Variants in COX10 observed in about 807,000 individuals in gnomAD.
The protein encoded by COX10 is cytochrome c oxidase assembly factor heme A:farnesyltransferase COX10, also known as protoheme IX farnesyltransferase, mitochondrial.
Under a neutral mutation model 37.3 loss-of-function variants are expected in COX10, and 27 were observed. That is an observed-to-expected ratio of 0.72 (90% CI 0.53 to 1.00). The LOEUF (loss-of-function observed/expected upper bound fraction) is 1.00, where lower values mean the gene tolerates loss of function less well. Among genes scored for constraint, COX10 ranks in the 50% least tolerant of loss-of-function variants. COX10 has a pLI of 0.00. For synonymous variants in COX10, 222 were observed against 229.1 expected (o/e 0.97, Z 0.28); for missense variants, 475 against 563.2 (o/e 0.84, Z 1.59).
intron 3 of COX10, among the ~76,000 whole-genome samples, chr17:14,101,821 T>C (rs1415625452): frequency 6.6e-6 from 1 of 152,220 alleles, no homozygotes; most frequent in Non-Finnish European, 1.5e-5. Flanking sequence ...ACAAATTTGG[T>C]ATTTAGTAAA....
chr17:14,096,765 A>G (rs1915663475), intron 3 of COX10, among the ~76,000 whole-genome samples: 1 of 152,156 alleles, frequency 6.6e-6, no homozygotes, highest in Non-Finnish European at 1.5e-5. Context: ...ATAAGAGAAC[A>G]TCTGGAGCAA....
intron 3 of COX10, among the ~76,000 whole-genome samples, chr17:14,098,104 TACTA>T (rs1207303726): frequency 7.2e-5 from 11 of 152,238 alleles, no homozygotes; most frequent in Admixed American, 3.9e-4. Context: ...CTCTAGATTT[TACTA>T]ACTGTTTATC....
intron 4 of COX10, among the ~76,000 whole-genome samples, chr17:14,144,753 G>A (rs1005998950): frequency 3.3e-5 from 5 of 151,994 alleles, no homozygotes; most frequent in African/African-American, 4.8e-5. Context: ...GGATACCCCC[G>A]TTAACTAAAT....
chr17:14,192,020 T>G lies in COX10; in HGVS notation c.727T>G (p.Cys243Gly). 6.2e-7 allele frequency: 1 copy of G among 1,614,222 alleles called. No homozygotes were observed. The highest frequency in any genetic ancestry group is 8.5e-7 in the Non-Finnish European group (1 of 1,180,046). Residue 243 changes from cysteine (C) to glycine (G), a missense_variant, in exon 6 of 7, where the codon TGT becomes GGT. Physicochemically the swap from Cys to Gly is radical, Grantham distance 159. Coordinates refer to ENST00000261643, the MANE Select transcript of COX10 (RefSeq NM_001303.4). Reference protein sequence around the residue: ...PLLAVSFATCCAVPGVAILTL... With the variant: ...PLLAVSFATCGAVPGVAILTL... ...GCTAGCTGTGTCCTTTGCCACTTGTTGTGCTGTTCCGGGAGTTGCCATTCT... is the reference window on the plus strand; with the variant it reads ...GCTAGCTGTGTCCTTTGCCACTTGTGGTGCTGTTCCGGGAGTTGCCATTCT...
chr17:14,159,879 T>C lies in COX10; in HGVS notation c.627T>C (p.Phe209=). Residue 209 remains phenylalanine, a splice_region_variant and synonymous_variant, in exon 5 of 7, where the codon TTT becomes TTC. Coordinates refer to ENST00000261643, the MANE Select transcript of COX10 (RefSeq NM_001303.4). ...ASCAANSINQ[F]FEVPFDSNMN... ...GTCTTTTTTCATTCTTTTTACAGTT[T>C]TTTGAGGTGCCATTTGACTCAAACA... The C allele has an allele frequency of 6.2e-7, 1 of 1,610,136 alleles. No homozygotes were observed. The highest frequency in any genetic ancestry group is 8.5e-7 in the Non-Finnish European group (1 of 1,178,210).
chr17:14,152,657 C>G (rs1904938023), intron 4 of COX10, among the ~76,000 whole-genome samples: 1 of 152,140 alleles, frequency 6.6e-6, no homozygotes, highest in African/African-American at 2.4e-5. Flanking sequence ...TAGAAGAGAG[C>G]AAGAACAACC....
rs146181345 is a variant in COX10 at position 14,121,494 on chromosome 17, G to A, written c.624+19252G>A. On this transcript the variant is annotated intron_variant, in intron 4 of 6. Transcript: ENST00000261643. ...CAGTTTCCTGATGGCTGTATACCACGATGGCTAGGGACACAGAGGTGAGCC... is the reference window on the plus strand; with the variant it reads ...CAGTTTCCTGATGGCTGTATACCACAATGGCTAGGGACACAGAGGTGAGCC... Among the ~76,000 whole-genome samples, 1,070 of 152,208 alleles carry A rather than the reference G, an allele frequency of 7.0e-3. 4 individuals carry two copies. The highest frequency in any genetic ancestry group is 0.012 in the Non-Finnish European group (821 of 68,026).
intron 4 of COX10, among the ~76,000 whole-genome samples, chr17:14,141,732 C>G (rs187580300): frequency 6.6e-6 from 1 of 151,996 alleles, no homozygotes; most frequent in African/African-American, 2.4e-5. Context: ...TTGCAGATTT[C>G]ATTATATTTA....
chr17:14,145,672 G>A (rs1904690811), intron 4 of COX10, among the ~76,000 whole-genome samples: 1 of 152,152 alleles, frequency 6.6e-6, no homozygotes, highest in African/African-American at 2.4e-5. Flanking sequence ...GGACAGCCAT[G>A]GAAGGGTTTT....
chr17:14,182,488 C>T (rs1215816643), intron 5 of COX10, among the ~76,000 whole-genome samples: 4 of 152,090 alleles, frequency 2.6e-5, no homozygotes, highest in South Asian at 2.1e-4. Context: ...TTACATCAGT[C>T]GTCTGCCACT....
At chr17:14,203,339 T>G (rs1002916360) in intron 6 of COX10, among the ~76,000 whole-genome samples, 3 of 152,152 alleles carry the variant, frequency 2.0e-5, no homozygotes, top group Non-Finnish European at 4.4e-5. Context: ...CTTTGTTATA[T>G]TTCCTCCCAT....
intron 3 of COX10, among the ~76,000 whole-genome samples, chr17:14,096,410 T>G: frequency 6.7e-6 from 1 of 148,532 alleles, no homozygotes; most frequent in South Asian, 2.2e-4. Context: ...GGCCTTGCTC[T>G]GTTGCCCAGG....
intron 6 of COX10, among the ~76,000 whole-genome samples, chr17:14,206,181 A>AGGGCG (rs1906692928): frequency 6.6e-6 from 1 of 152,108 alleles, no homozygotes; most frequent in African/African-American, 2.4e-5. Context: ...ACCCGCCTGC[A>AGGGCG]GGTACATCCG....
At chr17:14,072,207 T>A (rs1915040712) in intron 1 of COX10, among the ~76,000 whole-genome samples, 1 of 152,178 alleles carries the variant, frequency 6.6e-6, no homozygotes, top group South Asian at 2.1e-4. Context: ...AATCTCAGTT[T>A]GACCCACGTA....
intron 2 of COX10, among the ~76,000 whole-genome samples, chr17:14,075,855 G>A (rs1027694128): frequency 6.6e-6 from 1 of 151,846 alleles, no homozygotes; most frequent in African/African-American, 2.4e-5. Context: ...AGCCAGGCTT[G>A]GTGGCGGGTG....
chr17:14,154,188 T>G (rs1904982220), intron 4 of COX10, among the ~76,000 whole-genome samples: 1 of 152,174 alleles, frequency 6.6e-6, no homozygotes, highest in Non-Finnish European at 1.5e-5. Context: ...TTGAATATGT[T>G]CAGGATCTTG....
intron 4 of COX10, among the ~76,000 whole-genome samples, chr17:14,157,813 T>C (rs575244253): frequency 6.6e-6 from 1 of 152,332 alleles, no homozygotes; most frequent in African/African-American, 2.4e-5. Context: ...AAACTCAGGC[T>C]TGGTAGACAG....
intron 4 of COX10, among the ~76,000 whole-genome samples, chr17:14,158,039 A>G (rs1905081120): frequency 6.6e-6 from 1 of 152,120 alleles, no homozygotes. Flanking sequence ...ATGAGCTGTA[A>G]CTGGATGGTC....
intron 1 of COX10, 106 bp from the exon 2 acceptor site, chr17:14,074,209 CACACAGTG>C: frequency 9.1e-7 from 1 of 1,094,238 alleles, no homozygotes; most frequent in Non-Finnish European, 1.4e-6. Context: ...TCTGACCCAT[CACACAGTG>C]TAGCGCTTAC....
Sources: gnomAD v4.1 joint callset for allele counts (sites outside exome capture counted in the v4.1 genomes callset) on GRCh38, gnomAD v4.1.1 for gene constraint, MANE v1.5 for transcripts, NCBI Gene and HGNC (gene_info 2026-07-23, HGNC 2026-07-21) for gene names.